TRAK2: variants seen among roughly 807,000 people sequenced by gnomAD.
TRAK2 encodes trafficking kinesin-binding protein 2.
In TRAK2, 81 loss-of-function variants were observed where a neutral mutation model predicts 104.6. The ratio of observed to expected loss-of-function variants is 0.77; its 90% CI spans 0.65 to 0.93. TRAK2 has a LOEUF of 0.93. Among genes scored for constraint, TRAK2 ranks in the 40% least tolerant of loss-of-function variants. The pLI is 0.00. For missense variants in TRAK2, 1,002 were observed against 1,089.0 expected, an observed-to-expected ratio of 0.92 and a Z score of 1.12; for synonymous variants, 406 against 394.4, an observed-to-expected ratio of 1.03 and a Z score of -0.35.
Position 201,407,611 on chromosome 2 carries a change from T to A in TRAK2, c.92-14A>T. The A allele has an allele frequency of 6.3e-7, 1 of 1,599,418 alleles. No homozygotes were observed. ...TGGAGCAGACATCTAAAGAGGAGAGTCTATGTAAATGAATCCAATATATTT... is the reference window on the plus strand; with the variant it reads ...TGGAGCAGACATCTAAAGAGGAGAGACTATGTAAATGAATCCAATATATTT... On this transcript the variant is annotated splice_polypyrimidine_tract_variant and intron_variant, in intron 2 of 15. Coordinates refer to ENST00000332624, the MANE Select transcript of TRAK2 (RefSeq NM_015049.3).
intron 4 of TRAK2, 148 bp downstream of exon 4, chr2:201,400,870 G>A (rs957099243): frequency 2.0e-6 from 1 of 498,234 alleles, no homozygotes; most frequent in Non-Finnish European, 3.6e-6. Context: ...ATTCTACTTT[G>A]AAATGTCAGT....
chr2:201,408,881 A>T lies in TRAK2; in HGVS notation c.92-1284T>A, dbSNP rs543059074. ...ATTCTCAAAGTCATTAAATTTTTTT[A>T]AAAATTGCATTAAATTTTACTGAGC... is the stretch of plus-strand genomic sequence containing the variant. On this transcript the variant is annotated intron_variant, in intron 2 of 15. Coordinates refer to ENST00000332624, the MANE Select transcript of TRAK2 (RefSeq NM_015049.3). 1.4e-4 allele frequency among the ~76,000 whole-genome samples: 22 copies of T among 152,344 alleles called. No homozygotes were observed. The East Asian group carries it at 4.0e-3, about 28-fold the overall frequency.
chr2:201,411,163 T>A (rs922668657), intron 2 of TRAK2: 26 of 755,720 alleles, frequency 3.4e-5, no homozygotes, highest in Non-Finnish European at 5.6e-5. Context: ...ATATTATCCA[T>A]CAATGTGTCT....
intron 1 of TRAK2, among the ~76,000 whole-genome samples, chr2:201,444,563 G>C (rs1356185155): frequency 1.3e-5 from 2 of 151,634 alleles, no homozygotes; most frequent in African/African-American, 4.8e-5. Flanking sequence ...ATCTAAAGTA[G>C]CCTCCTCTGC....
At chr2:201,399,105 G>T (rs541041667) in intron 5 of TRAK2, among the ~76,000 whole-genome samples, 1 of 152,142 alleles carries the variant, frequency 6.6e-6, no homozygotes, top group African/African-American at 2.4e-5. Context: ...CTACACAAAA[G>T]GGTATGGATA....
intron 1 of TRAK2, among the ~76,000 whole-genome samples, chr2:201,439,568 G>A (rs1951903420): frequency 6.6e-6 from 1 of 151,980 alleles, no homozygotes; most frequent in Non-Finnish European, 1.5e-5. Context: ...TTACTAAGAA[G>A]AGCAATTACT....
At chr2:201,383,638 C>A (rs1275820064) in intron 15 of TRAK2, among the ~76,000 whole-genome samples, 5 of 152,288 alleles carry the variant, frequency 3.3e-5, no homozygotes, top group Admixed American at 2.6e-4. Context: ...ATAATTTTAA[C>A]CTGTATTCGT....
At chr2:201,401,575 C>G (rs1011392720) in intron 3 of TRAK2, among the ~76,000 whole-genome samples, 1 of 152,074 alleles carries the variant, frequency 6.6e-6, no homozygotes, top group African/African-American at 2.4e-5. Context: ...CTAATGTAAA[C>G]AAGGAACAGG....
chr2:201,405,104 G>A (rs1021151246), intron 3 of TRAK2, among the ~76,000 whole-genome samples: 2 of 152,148 alleles, frequency 1.3e-5, no homozygotes, highest in Non-Finnish European at 2.9e-5. Context: ...CTGTATAAAC[G>A]CTAAGTGTCT....
At chr2:201,415,534 T>C (rs991864866) in intron 2 of TRAK2, among the ~76,000 whole-genome samples, 2 of 152,132 alleles carry the variant, frequency 1.3e-5, no homozygotes, top group African/African-American at 2.4e-5. Context: ...AAACAGAAGA[T>C]ATGCCTGCAT....
intron 7 of TRAK2, 106 bp from the exon 8 acceptor site, chr2:201,395,550 C>T (rs1231039056): frequency 8.9e-6 from 10 of 1,126,908 alleles, no homozygotes; most frequent in Admixed American, 3.1e-5. Context: ...ACTGGACTGT[C>T]GTGAATAGAT....
At chr2:201,406,928 A>G (rs1184566052) in intron 3 of TRAK2, among the ~76,000 whole-genome samples, 1 of 152,118 alleles carries the variant, frequency 6.6e-6, no homozygotes, top group South Asian at 2.1e-4. Flanking sequence ...GGGTATATTT[A>G]TTTCTCCTGG....
intron 2 of TRAK2, chr2:201,411,234 T>C: frequency 2.8e-6 from 2 of 723,184 alleles, no homozygotes; most frequent in Non-Finnish European, 5.1e-6. Flanking sequence ...TTTAAGAGGC[T>C]GCTGGCCTTT....
At chr2:201,384,039 A>G (rs2125639895) in intron 15 of TRAK2, 72 bp downstream of exon 15, 1 of 967,758 alleles carries the variant, frequency 1.0e-6, no homozygotes, top group Non-Finnish European at 1.6e-6. Context: ...AATGAAGGTA[A>G]TTTTAAAAAG....
At chr2:201,398,108 TTAAAG>T in intron 6 of TRAK2, 32 bp downstream of exon 6, 1 of 1,594,102 alleles carries the variant, frequency 6.3e-7, no homozygotes, top group Non-Finnish European at 8.6e-7. Flanking sequence ...TTTATAGCCT[TTAAAG>T]TAAAGGAAAA....
intron 1 of TRAK2, among the ~76,000 whole-genome samples, chr2:201,439,422 T>C (rs1386747211): frequency 6.6e-6 from 1 of 152,086 alleles, no homozygotes; most frequent in Non-Finnish European, 1.5e-5. Flanking sequence ...GGTTTTCTTA[T>C]TTTAAAAAAC....
chr2:201,446,850 G>A (rs1951968620), intron 1 of TRAK2, among the ~76,000 whole-genome samples: 1 of 152,206 alleles, frequency 6.6e-6, no homozygotes, highest in Admixed American at 6.5e-5. Flanking sequence ...TCTGATAGTT[G>A]TATAAAGCTT....
rs1357021368 is a variant in TRAK2, at chr2:201,377,830, G to A, written c.*2713C>T. On this transcript the variant is annotated 3_prime_UTR_variant, in exon 16 of 16. Transcript: ENST00000332624. ...AAGATATTTCTCCTATTAGACAATA[G>A]GACACTCAGAAATACCTGAGGTATA... is the stretch of plus-strand genomic sequence containing the variant. 1 of 151,756 alleles carries A rather than the reference G, an allele frequency of 6.6e-6. No homozygotes were observed. The highest frequency in any genetic ancestry group is 1.5e-5 in the Non-Finnish European group (1 of 67,894). 9.4% of individuals were successfully genotyped at this position (151,756 alleles called of 1,614,324 possible). A position where few individuals can be genotyped will look rare whatever the true frequency, so the allele number is the denominator to read the frequency against.
Position 201,394,819 on chromosome 2 carries a change from G to C in TRAK2, c.954C>G (p.Ala318=). 4 of 1,613,824 alleles carry C rather than the reference G, an allele frequency of 2.5e-6. No homozygotes were observed. Among genetic ancestry groups the C allele is most frequent in the Middle Eastern group, 3.3e-4 (2 of 6,060 alleles). The change falls in exon 9 of 16, where the codon GCC becomes GCG. Residue 318 remains alanine (A), a synonymous_variant. Coordinates refer to ENST00000332624, the MANE Select transcript of TRAK2 (RefSeq NM_015049.3). Reference sequence around the variant, plus strand: ...TTACCTCCATTGTCAGTTGCCGTTGGGCATCTTTGGAAGCTTGCAGGTGAA... The same window carrying C: ...TTACCTCCATTGTCAGTTGCCGTTGCGCATCTTTGGAAGCTTGCAGGTGAA... ...LKLHLQASKD[A]QRQLTMELHE... is the part of the protein sequence containing the mutation.
Sources: gnomAD v4.1 joint callset for allele counts (sites outside exome capture counted in the v4.1 genomes callset) on GRCh38, gnomAD v4.1.1 for gene constraint, MANE v1.5 for transcripts, NCBI Gene and HGNC (gene_info 2026-07-23, HGNC 2026-07-21) for gene names.